Variants in STT3B observed in about 807,000 individuals in gnomAD.
STT3B encodes dolichyl-diphosphooligosaccharide--protein glycosyltransferase subunit STT3B.
STT3B carries 29 observed loss-of-function variants against 96.8 expected under a neutral mutation model. That is an observed-to-expected ratio of 0.30 (90% CI 0.22 to 0.41). The LOEUF (loss-of-function observed/expected upper bound fraction) is 0.41. Ranked by LOEUF, STT3B falls within the 10% of genes least tolerant of loss-of-function variation. The probability of loss-of-function intolerance (pLI) is 1.00; values close to 1 mark genes in which losing one functional copy is unlikely to be tolerated. For missense variants in STT3B, 640 were observed against 1,022.3 expected (o/e 0.63, Z 5.10); for synonymous variants, 367 against 360.0 (o/e 1.02, Z -0.22).
intron 1 of STT3B, among the ~76,000 whole-genome samples, chr3:31,541,521 G>T (rs1246292381): frequency 1.6e-5 from 2 of 126,622 alleles, no homozygotes; most frequent in African/African-American, 3.1e-5. Flanking sequence ...CATCCTTGTT[G>T]GTCAAAGGAT....
intron 1 of STT3B, among the ~76,000 whole-genome samples, chr3:31,571,459 C>G (rs988623801): frequency 3.9e-5 from 6 of 152,094 alleles, no homozygotes; most frequent in Admixed American, 1.3e-4. Context: ...TTGCACAATT[C>G]TCATGCCCAT....
chr3:31,598,708 G>A (rs1698850104), intron 4 of STT3B, among the ~76,000 whole-genome samples: 1 of 152,072 alleles, frequency 6.6e-6, no homozygotes, highest in South Asian at 2.1e-4. Flanking sequence ...AGATAAGGTA[G>A]CATATTGATA....
chr3:31,632,657 A>C (rs563313695), intron 14 of STT3B, among the ~76,000 whole-genome samples: 1 of 118,678 alleles, frequency 8.4e-6, no homozygotes, highest in African/African-American at 2.9e-5. Context: ...TTTCATTTCT[A>C]TGTTTTGGTG....
intron 1 of STT3B, among the ~76,000 whole-genome samples, chr3:31,552,733 A>G (rs1697592809): frequency 6.6e-6 from 1 of 152,216 alleles, no homozygotes; most frequent in Non-Finnish European, 1.5e-5. Flanking sequence ...TCCTTTGGAC[A>G]GTAAGCTTTG....
intron 1 of STT3B, among the ~76,000 whole-genome samples, chr3:31,543,670 T>C (rs1194040297): frequency 2.6e-5 from 4 of 152,212 alleles, no homozygotes; most frequent in Non-Finnish European, 5.9e-5. Flanking sequence ...TTATTCTTTA[T>C]AGAAGAAGGG....
At chr3:31,596,102 A>T (rs1483082675) in intron 3 of STT3B, among the ~76,000 whole-genome samples, 2 of 152,206 alleles carry the variant, frequency 1.3e-5, no homozygotes, top group Non-Finnish European at 2.9e-5. Context: ...GTAAATACTG[A>T]AAAATATGTT....
intron 1 of STT3B, chr3:31,533,639 G>A: frequency 1.1e-5 from 2 of 184,672 alleles, no homozygotes; most frequent in Non-Finnish European, 2.2e-5. Flanking sequence ...GTCCCTCGCA[G>A]CCCGCTTTGG....
intron 1 of STT3B, among the ~76,000 whole-genome samples, chr3:31,573,800 T>A (rs1305996950): frequency 1.3e-5 from 2 of 152,130 alleles, no homozygotes; most frequent in East Asian, 3.9e-4. Context: ...CTGGTAATAA[T>A]TGAAGACTTG....
At chr3:31,537,893 A>G (rs1697141989) in intron 1 of STT3B, among the ~76,000 whole-genome samples, 1 of 152,172 alleles carries the variant, frequency 6.6e-6, no homozygotes. Flanking sequence ...TCGTCTGTGC[A>G]CACGTGCTCT....
At chr3:31,602,076 A>G (rs1361060482) in intron 5 of STT3B, among the ~76,000 whole-genome samples, 2 of 152,040 alleles carry the variant, frequency 1.3e-5, no homozygotes, top group African/African-American at 4.8e-5. Flanking sequence ...GTGTGCTGTG[A>G]TCTTGCCACT....
rs187583116 is a variant in STT3B, at chr3:31,615,050, T to G, written c.878-55T>G. The G allele has an allele frequency of 2.3e-4, 245 of 1,047,460 alleles. No homozygotes were observed. In the African/African-American group the frequency reaches 3.4e-3, roughly 15 times the overall value. 64.9% of individuals were successfully genotyped at this position (1,047,460 alleles called of 1,614,324 possible). A position where few individuals can be genotyped will look rare whatever the true frequency, so the allele number is the denominator to read the frequency against. The stretch of plus-strand genomic sequence containing the variant: ...CAGGATTTACATATACATTTATGTT[T>G]TAGGTACTTAATGGTAGTAGTAAAT... On this transcript the variant is annotated intron_variant, in intron 5 of 15. Transcript: ENST00000295770.
intron 9 of STT3B, 171 bp downstream of exon 9, chr3:31,620,001 A>G (rs1003669601): frequency 2.7e-6 from 4 of 1,471,952 alleles, no homozygotes; most frequent in Non-Finnish European, 2.7e-6. Context: ...GAGGCTGGGC[A>G]TGGTGGCACA....
chr3:31,574,216 G>C (rs1453600652), intron 1 of STT3B, among the ~76,000 whole-genome samples: 1 of 151,774 alleles, frequency 6.6e-6, no homozygotes, highest in African/African-American at 2.4e-5. Context: ...CTCTTTCTGG[G>C]GTATACTCAA....
At chr3:31,620,046 G>A (rs1414296191) in intron 9 of STT3B, 20 of 1,196,194 alleles carry the variant, frequency 1.7e-5, no homozygotes, top group East Asian at 3.8e-5. Flanking sequence ...AGGCCGAGGC[G>A]GGCGGATCAC....
intron 5 of STT3B, among the ~76,000 whole-genome samples, chr3:31,600,978 ATAGAGT>A (rs1441530598): frequency 2.0e-5 from 3 of 152,300 alleles, no homozygotes; most frequent in Non-Finnish European, 4.4e-5. Flanking sequence ...ATTTTCCATG[ATAGAGT>A]TAGAACTTCT....
At chr3:31,552,897 A>T (rs1697599905) in intron 1 of STT3B, among the ~76,000 whole-genome samples, 1 of 151,946 alleles carries the variant, frequency 6.6e-6, no homozygotes, top group African/African-American at 2.4e-5. Flanking sequence ...AGGTCAGGAG[A>T]TCGAGACCAT....
intron 1 of STT3B, among the ~76,000 whole-genome samples, chr3:31,552,886 G>A (rs1483710709): frequency 2.0e-5 from 3 of 151,950 alleles, no homozygotes; most frequent in Non-Finnish European, 4.4e-5. Flanking sequence ...GGCGGATCAC[G>A]AGGTCAGGAG....
chr3:31,609,210 A>G (rs1258171339), intron 5 of STT3B, among the ~76,000 whole-genome samples: 2 of 152,112 alleles, frequency 1.3e-5, no homozygotes, highest in African/African-American at 4.8e-5. Context: ...TGTAGTTTAA[A>G]TCTTTTTTTA....
chr3:31,622,394 T>C lies in STT3B; in HGVS notation c.1539+86T>C. On this transcript the variant is annotated intron_variant, in intron 10 of 15. Coordinates refer to ENST00000295770, the MANE Select transcript of STT3B (RefSeq NM_178862.3). The stretch of plus-strand genomic sequence containing the variant: ...AGTAAGAACTATACATATCAAGAAA[T>C]GTTATTAAATGATGATTTGGACAAA... The C allele has an allele frequency of 3.6e-6, 4 of 1,122,114 alleles. No individual in the cohort carries two copies. The Admixed American group carries it at 7.0e-5, about 20-fold the overall frequency. 69.5% of individuals were successfully genotyped at this position (1,122,114 alleles called of 1,614,324 possible). A position where few individuals can be genotyped will look rare whatever the true frequency, so the allele number is the denominator to read the frequency against.
Sources: allele counts gnomAD v4.1 joint callset (sites outside exome capture counted in the v4.1 genomes callset), GRCh38; gene constraint gnomAD v4.1.1; transcripts MANE v1.5; gene names NCBI Gene and HGNC (gene_info 2026-07-23, HGNC 2026-07-21).